Variants in CACNB4 observed in about 807,000 individuals in gnomAD.
CACNB4 encodes the protein voltage-dependent L-type calcium channel subunit beta-4.
In CACNB4, 32 loss-of-function variants were observed where a neutral mutation model predicts 71.2. The ratio of observed to expected loss-of-function variants is 0.45; its 90% CI spans 0.34 to 0.60. CACNB4 has a LOEUF of 0.60. Among genes scored for constraint, CACNB4 ranks in the 20% least tolerant of loss-of-function variants. The pLI is 0.01. For synonymous variants in CACNB4, 231 were observed against 236.9 expected (o/e 0.97, Z 0.23); for missense variants, 464 against 647.9 (o/e 0.72, Z 3.08).
intron 2 of CACNB4, among the ~76,000 whole-genome samples, chr2:152,020,662 A>T (rs1683610377): frequency 6.6e-6 from 1 of 152,190 alleles, no homozygotes; most frequent in South Asian, 2.1e-4. Context: ...AAGTTCTCAG[A>T]GGACAGGGAA....
intron 8 of CACNB4, chr2:151,869,969 G>C (rs1302972417): frequency 2.0e-6 from 1 of 498,084 alleles, no homozygotes; most frequent in Non-Finnish European, 3.5e-6. Context: ...CATCTGAAAC[G>C]AAGTCTCTAC....
chr2:152,043,863 T>C (rs745539494), intron 2 of CACNB4, among the ~76,000 whole-genome samples: 2 of 152,168 alleles, frequency 1.3e-5, no homozygotes, highest in Non-Finnish European at 2.9e-5. Context: ...AGAGGGCTTC[T>C]TTTCCAGGCT....
intron 2 of CACNB4, among the ~76,000 whole-genome samples, chr2:151,964,293 T>C (rs1469035483): frequency 6.6e-6 from 1 of 152,162 alleles, no homozygotes; most frequent in East Asian, 1.9e-4. Context: ...ATATTTATTA[T>C]GATCTTATGT....
intron 2 of CACNB4, among the ~76,000 whole-genome samples, chr2:152,012,469 C>T (rs1280606426): frequency 4.6e-5 from 7 of 151,730 alleles, no homozygotes; most frequent in East Asian, 1.9e-4. Flanking sequence ...CCGGGCGTGG[C>T]GGCGGGCACC....
rs1298017492 is a variant in CACNB4 at position 151,839,105 on chromosome 2, T to G, written c.*14A>C. The G allele has an allele frequency of 2.5e-6, 4 of 1,599,478 alleles. No homozygotes were observed. The highest frequency in any genetic ancestry group is 3.4e-6 in the Non-Finnish European group (4 of 1,170,726). ...CAAATTGTCAACAGATGAATATTTT[T>G]TGTTTCATTAGACTCAAAGCCTATG... On this transcript the variant is annotated 3_prime_UTR_variant, in exon 14 of 14. Coordinates refer to ENST00000539935, the MANE Select transcript of CACNB4 (RefSeq NM_000726.5).
At chr2:151,985,675 CTTTT>C (rs11329675) in intron 2 of CACNB4, among the ~76,000 whole-genome samples, 2,849 of 142,120 alleles carry the variant, frequency 0.02, 37 homozygotes, top group Middle Eastern at 0.033. Context: ...CCTTAATTTT[CTTTT>C]TTTTTTTTTT....
intron 5 of CACNB4, chr2:151,872,701 T>C (rs1289516284): frequency 2.3e-6 from 1 of 433,078 alleles, no homozygotes; most frequent in East Asian, 4.6e-5. Flanking sequence ...CCTGGAATAC[T>C]CTGCAAAAGC....
At chr2:152,061,450 T>G (rs1020303308) in intron 2 of CACNB4, among the ~76,000 whole-genome samples, 3 of 152,160 alleles carry the variant, frequency 2.0e-5, no homozygotes, top group Admixed American at 6.6e-5. Context: ...CAAAAATAAC[T>G]CATGTAATCT....
intron 2 of CACNB4, chr2:151,970,749 C>T (rs932705464): frequency 6.6e-6 from 1 of 152,206 alleles, no homozygotes; most frequent in Non-Finnish European, 1.5e-5. Flanking sequence ...TCTGGAAGCA[C>T]ACACTCCATC....
At position 152,035,597 on chromosome 2, in the gene CACNB4, CTCTCTT is replaced by C. The variant is rs1382121011; in HGVS notation, c.147+62727_147+62732del. 3.2e-3 allele frequency among the ~76,000 whole-genome samples: 468 copies of C among 144,926 alleles called. 1 individual carries two copies. Among genetic ancestry groups the C allele is most frequent in the Non-Finnish European group, 5.4e-3 (362 of 66,690 alleles). On this transcript the variant is annotated intron_variant, in intron 2 of 13. Coordinates refer to ENST00000539935, the MANE Select transcript of CACNB4 (RefSeq NM_000726.5). ...TCTCTCTCTCTCTCTCCCTCTCTCT[CTCTCTT>C]TCTCTCTCTCTCTCTCCCTCCCTCT...
chr2:151,980,687 A>G (rs930187984), intron 2 of CACNB4, among the ~76,000 whole-genome samples: 2 of 152,188 alleles, frequency 1.3e-5, no homozygotes, highest in African/African-American at 2.4e-5. Flanking sequence ...AAAGTGAAAT[A>G]TGGGTATTTT....
chr2:152,039,415 CAAA>C (rs34058095), intron 2 of CACNB4, among the ~76,000 whole-genome samples: 1 of 137,554 alleles, frequency 7.3e-6, no homozygotes. Flanking sequence ...GACTCTGTCT[CAAA>C]AAAAAAAAAA....
intron 2 of CACNB4, among the ~76,000 whole-genome samples, chr2:151,897,662 C>T (rs1487028342): frequency 6.6e-6 from 1 of 152,178 alleles, no homozygotes; most frequent in Non-Finnish European, 1.5e-5. Context: ...CGAGAGCTGG[C>T]GTACAATAAG....
intron 2 of CACNB4, among the ~76,000 whole-genome samples, chr2:152,074,617 A>G (rs952748808): frequency 9.6e-6 from 1 of 103,774 alleles, no homozygotes; most frequent in African/African-American, 4.4e-5. Flanking sequence ...CACCATCACC[A>G]TCACCCCCTC....
At chr2:152,034,778 GA>G (rs1217034241) in intron 2 of CACNB4, among the ~76,000 whole-genome samples, 2 of 152,012 alleles carry the variant, frequency 1.3e-5, no homozygotes, top group African/African-American at 2.4e-5. Flanking sequence ...CTGGGGTAAG[GA>G]AAAAAAATTA....
intron 2 of CACNB4, among the ~76,000 whole-genome samples, chr2:151,939,484 T>G (rs1472702400): frequency 6.6e-6 from 1 of 152,088 alleles, no homozygotes; most frequent in Non-Finnish European, 1.5e-5. Flanking sequence ...GCAAAATAAA[T>G]GAAAATGGCC....
At chr2:151,947,949 G>T (rs1469125053) in intron 2 of CACNB4, among the ~76,000 whole-genome samples, 1 of 152,216 alleles carries the variant, frequency 6.6e-6, no homozygotes, top group East Asian at 1.9e-4. Context: ...GCCGGAGGTA[G>T]GCGAGGGCAT....
At chr2:151,869,997 G>T in intron 8 of CACNB4, 1 of 537,076 alleles carries the variant, frequency 1.9e-6, no homozygotes. Flanking sequence ...CTTGTCACAT[G>T]GTTTTGTTTA....
At chr2:151,922,102 C>A (rs1288766942) in intron 2 of CACNB4, among the ~76,000 whole-genome samples, 1 of 152,198 alleles carries the variant, frequency 6.6e-6, no homozygotes, top group Non-Finnish European at 1.5e-5. Context: ...CTTCTGCCTC[C>A]CTCTTCCACT....
Sources: gnomAD v4.1 joint callset for allele counts (sites outside exome capture counted in the v4.1 genomes callset) on GRCh38, gnomAD v4.1.1 for gene constraint, MANE v1.5 for transcripts, NCBI Gene and HGNC (gene_info 2026-07-23, HGNC 2026-07-21) for gene names.